EFHC2: variants seen among roughly 807,000 people sequenced by gnomAD.
The protein encoded by EFHC2 is EF-hand domain-containing family member C2.
EFHC2 carries 18 observed loss-of-function variants against 52.7 expected under a neutral mutation model. The observed-to-expected ratio is 0.34, with a 90% CI of 0.24 to 0.51. EFHC2 has a LOEUF of 0.51. Ranked by LOEUF, EFHC2 falls within the 20% of genes least tolerant of loss-of-function variation. The pLI is 0.97. For synonymous variants in EFHC2, 203 were observed against 204.1 expected (o/e 0.99, Z 0.04); for missense variants, 513 against 562.5 (o/e 0.91, Z 0.89).
chrX:44,337,819 A>G (rs932085818), intron 1 of EFHC2, among the ~76,000 whole-genome samples: 1 of 112,216 alleles, frequency 8.9e-6, no homozygotes, highest in African/African-American at 3.2e-5. Flanking sequence ...CATGTGAGCA[A>G]TTGGTATTGT....
rs188394101 is a variant in EFHC2 at position 44,343,276 on chromosome X, C to T, written c.42+271G>A. Among the ~76,000 whole-genome samples the T allele has an allele frequency of 6.3e-4, 71 of 111,977 alleles. No individual in the cohort carries two copies. The East Asian group carries it at 0.015, about 24-fold the overall frequency. Reference sequence around the variant, plus strand: ...AGCACAGCGCCTGGCACACATTAAACCCCCAATGGTTATCGTCACTATTAT... The same window carrying T: ...AGCACAGCGCCTGGCACACATTAAATCCCCAATGGTTATCGTCACTATTAT... On this transcript the variant is annotated intron_variant, in intron 1 of 14. Coordinates refer to ENST00000420999, the MANE Select transcript of EFHC2 (RefSeq NM_025184.4).
At chrX:44,157,539 A>C (rs1569272658) in intron 14 of EFHC2, among the ~76,000 whole-genome samples, 1 of 110,837 alleles carries the variant, frequency 9.0e-6, no homozygotes, top group East Asian at 2.9e-4. Flanking sequence ...AGAAAACAGG[A>C]GAAGCAAGAG....
At chrX:44,296,570 C>T (rs976717404) in intron 2 of EFHC2, among the ~76,000 whole-genome samples, 4 of 111,307 alleles carry the variant, frequency 3.6e-5, no homozygotes, top group African/African-American at 1.3e-4. Context: ...TTTCTAGAAC[C>T]TAGAGGATCA....
At chrX:44,312,397 GAAACACTAAAAATA>G (rs1451630436) in intron 2 of EFHC2, among the ~76,000 whole-genome samples, 157 bp downstream of exon 2, 5 of 111,687 alleles carry the variant, frequency 4.5e-5, no homozygotes, top group South Asian at 7.5e-4. Context: ...GACAAAGGGA[GAAACACTAAAAATA>G]AAACACTAAA....
At chrX:44,284,491 T>C (rs2037736739) in intron 2 of EFHC2, 1 of 111,179 alleles carries the variant, frequency 9.0e-6, no homozygotes, top group Non-Finnish European at 1.9e-5. Context: ...TCCTGGGAGA[T>C]GACATTCCAA....
chrX:44,177,453 C>T (rs936776813), intron 12 of EFHC2, among the ~76,000 whole-genome samples: 14 of 111,586 alleles, frequency 1.3e-4, no homozygotes, highest in African/African-American at 3.9e-4. Context: ...TGCAGCAATA[C>T]GGATTAGAAG....
At chrX:44,261,971 A>G (rs2037542335) in intron 3 of EFHC2, among the ~76,000 whole-genome samples, 1 of 110,404 alleles carries the variant, frequency 9.1e-6, no homozygotes, top group African/African-American at 3.3e-5. Flanking sequence ...GAGGCTTCAC[A>G]GTTCTAGCCA....
intron 2 of EFHC2, chrX:44,284,907 C>T (rs1306480306): frequency 1.8e-5 from 2 of 112,119 alleles, no homozygotes; most frequent in Non-Finnish European, 3.8e-5. Context: ...CGCCCCTCTT[C>T]AGGGAGTGAC....
intron 11 of EFHC2, among the ~76,000 whole-genome samples, chrX:44,184,561 A>G (rs2036859204): frequency 9.0e-6 from 1 of 110,993 alleles, no homozygotes. Flanking sequence ...CGTCTCTACT[A>G]AAAATACAAA....
At chrX:44,186,547 T>C (rs912757075) in intron 11 of EFHC2, among the ~76,000 whole-genome samples, 3 of 111,639 alleles carry the variant, frequency 2.7e-5, no homozygotes, top group Non-Finnish European at 5.6e-5. Context: ...CCCACCTGTT[T>C]GGCTTTTTGT....
In EFHC2 at chrX:44,248,366, GGACAGGT is replaced by G; in HGVS notation, c.1010_1016del (p.Asp337AlafsTer2). The G allele has an allele frequency of 8.5e-7, 1 of 1,183,107 alleles. No individual in the cohort carries two copies. Among genetic ancestry groups the G allele is most frequent in the Non-Finnish European group, 1.1e-6 (1 of 879,870 alleles). Reference sequence around the variant, plus strand: ...CCCACACATTGATGGTGACTCCTAGGGACAGGTCACTATCTTTGTAAAACTCTTGGTC... The same window carrying G: ...CCCACACATTGATGGTGACTCCTAGGCACTATCTTTGTAAAACTCTTGGTC... On this transcript the variant is annotated frameshift_variant, in exon 7 of 15. Transcript: ENST00000420999. LOFTEE classifies it high-confidence loss of function.
At position 44,250,536 on chromosome X, in the gene EFHC2, T is replaced by C. The variant is rs1214387408; in HGVS notation, c.607-91A>G. The stretch of plus-strand genomic sequence containing the variant: ...ATCAAGTGACAAATATATAAAGATA[T>C]ATTTTTGGTCAGGCATGGTGGCTGA... On this transcript the variant is annotated intron_variant, in intron 4 of 14. Coordinates refer to ENST00000420999, the MANE Select transcript of EFHC2 (RefSeq NM_025184.4). The C allele has an allele frequency of 2.9e-6, 3 of 1,028,608 alleles. No homozygotes were observed. The African/African-American group carries it at 5.8e-5, about 20-fold the overall frequency. The allele number at this position is 1,028,608 out of a possible 1,213,427, so 84.8% of individuals were successfully genotyped here.
At chrX:44,263,727 C>G (rs1270212747) in intron 3 of EFHC2, among the ~76,000 whole-genome samples, 1 of 111,881 alleles carries the variant, frequency 8.9e-6, no homozygotes, top group Non-Finnish European at 1.9e-5. Flanking sequence ...TTTTCAGGAA[C>G]CATTATATAC....
chrX:44,168,464 G>A (rs982492776), intron 13 of EFHC2, among the ~76,000 whole-genome samples: 1 of 110,080 alleles, frequency 9.1e-6, no homozygotes, highest in Non-Finnish European at 1.9e-5. Flanking sequence ...CCCGGGAGGC[G>A]GAGCTTGCAG....
intron 9 of EFHC2, 46 bp downstream of exon 9, chrX:44,235,259 A>G: frequency 2.9e-6 from 3 of 1,051,328 alleles, no homozygotes; most frequent in Non-Finnish European, 2.5e-6. Flanking sequence ...ATGAAGAGAC[A>G]CTTAAAATGT....
At position 44,262,287 on chromosome X, in the gene EFHC2, G is replaced by A. The variant is rs1462645464; in HGVS notation, c.383-989C>T. ...AGGCAGGCAGATTGCTTGAGCCCAA[G>A]AGTTCGAGACCAGCCTGGGCAACAT... On this transcript the variant is annotated intron_variant, in intron 3 of 14. Coordinates refer to ENST00000420999, the MANE Select transcript of EFHC2 (RefSeq NM_025184.4). 5.5e-5 allele frequency among the ~76,000 whole-genome samples: 6 copies of A among 108,636 alleles called. No individual in the cohort carries two copies. In the Admixed American group the frequency reaches 6.0e-4, roughly 11 times the overall value. 94.3% of individuals were successfully genotyped at this position (108,636 alleles called of 115,157 possible).
chrX:44,250,570 A>T (rs2037434933), intron 4 of EFHC2, 125 bp from the exon 5 acceptor site: 1 of 840,765 alleles, frequency 1.2e-6, no homozygotes, highest in African/African-American at 2.1e-5. Context: ...GATGCCTGTA[A>T]TCCCAGCATT....
chrX:44,264,454 C>A (rs755200574), intron 3 of EFHC2, among the ~76,000 whole-genome samples: 1 of 112,186 alleles, frequency 8.9e-6, no homozygotes, highest in South Asian at 3.7e-4. Context: ...GCCTGCAGAT[C>A]TCAAGCCCCC....
At chrX:44,251,891 T>A (rs1314129159) in intron 4 of EFHC2, among the ~76,000 whole-genome samples, 1 of 109,937 alleles carries the variant, frequency 9.1e-6, no homozygotes, top group Non-Finnish European at 1.9e-5. Flanking sequence ...ACAAAACTTG[T>A]TGACCTATAT....
Sources: gnomAD v4.1 joint callset for allele counts (sites outside exome capture counted in the v4.1 genomes callset) on GRCh38, gnomAD v4.1.1 for gene constraint, MANE v1.5 for transcripts, NCBI Gene and HGNC (gene_info 2026-07-23, HGNC 2026-07-21) for gene names.